Variants in SLCO2B1 observed in about 807,000 individuals in gnomAD.
SLCO2B1 encodes the protein OATP-RP2.
In SLCO2B1, 41 loss-of-function variants were observed where a neutral mutation model predicts 67.3. The ratio of observed to expected loss-of-function variants is 0.61; its 90% CI spans 0.47 to 0.79. SLCO2B1 has a LOEUF of 0.79. Ranked by LOEUF, SLCO2B1 falls within the 30% of genes least tolerant of loss-of-function variation. The pLI, the probability that SLCO2B1 is intolerant of heterozygous loss-of-function variation, is 0.00. For synonymous variants in SLCO2B1, 379 were observed against 381.4 expected (o/e 0.99, Z 0.07); for missense variants, 837 against 920.1 (o/e 0.91, Z 1.17).
rs1945205288 is a variant in SLCO2B1, at chr11:75,202,921, A to T, written c.1784A>T (p.Lys595Met). Residue 595 changes from lysine (K) to methionine (M), a missense_variant, in exon 12 of 14, where the codon AAG (lysine) becomes ATG (methionine). Physicochemically the swap from Lys to Met is moderately conservative, Grantham distance 95 (BLOSUM62 -1). Coordinates refer to ENST00000289575, the MANE Select transcript of SLCO2B1 (RefSeq NM_007256.5). ...GTTAGAGGAGTGAAGAAAGAAGACA[A>T]GACTTTGGCTGTGGGCATCCAGTTC... is the stretch of plus-strand genomic sequence containing the variant. Reference protein sequence around the residue: ...LILRGVKKEDKTLAVGIQFMF... With the variant: ...LILRGVKKEDMTLAVGIQFMF... 1 of 1,613,712 alleles carries T rather than the reference A, an allele frequency of 6.2e-7. No homozygotes were observed. The highest frequency in any genetic ancestry group is 1.1e-5 in the South Asian group (1 of 91,070).
chr11:75,184,835 C>T (rs775444353), intron 7 of SLCO2B1, among the ~76,000 whole-genome samples: 15 of 151,776 alleles, frequency 9.9e-5, no homozygotes, highest in African/African-American at 2.7e-4. Flanking sequence ...CTTTTCCTCT[C>T]ATCCTCAGAG....
At chr11:75,169,052 A>T (rs916327446) in intron 4 of SLCO2B1, 121 bp from the exon 5 acceptor site, 3 of 758,508 alleles carry the variant, frequency 4.0e-6, no homozygotes, top group Admixed American at 2.9e-5. Context: ...CTCACCCTTG[A>T]GGTTTGTTGT....
At chr11:75,158,420 A>G (rs1949772086) in intron 1 of SLCO2B1, among the ~76,000 whole-genome samples, 1 of 152,048 alleles carries the variant, frequency 6.6e-6, no homozygotes, top group South Asian at 2.1e-4. Context: ...TGATACACTT[A>G]GGGGAACCTA....
intron 13 of SLCO2B1, 51 bp downstream of exon 13, chr11:75,203,478 A>C: frequency 6.2e-7 from 1 of 1,606,608 alleles, no homozygotes; most frequent in Non-Finnish European, 8.5e-7. Flanking sequence ...ATACTCTCAG[A>C]GTCCCAGGCA....
intron 1 of SLCO2B1, among the ~76,000 whole-genome samples, chr11:75,155,790 G>T (rs1195344611): frequency 1.3e-5 from 2 of 152,216 alleles, no homozygotes; most frequent in Non-Finnish European, 2.9e-5. Flanking sequence ...TAAGTGGTTT[G>T]CTGGGGAAGA....
At chr11:75,187,906 T>C (rs972398790) in intron 7 of SLCO2B1, among the ~76,000 whole-genome samples, 4 of 152,210 alleles carry the variant, frequency 2.6e-5, no homozygotes, top group African/African-American at 9.6e-5. Flanking sequence ...ATGTGGATAC[T>C]GGTGATGACA....
At chr11:75,199,750 G>A (rs144164555) in intron 10 of SLCO2B1, 3,176 of 154,284 alleles carry the variant, frequency 0.021, 59 homozygotes, top group Non-Finnish European at 0.03. Context: ...CTTGGCTTGG[G>A]CTGGCTTCTA....
intron 6 of SLCO2B1, among the ~76,000 whole-genome samples, chr11:75,171,746 C>T (rs1949962837): frequency 1.3e-5 from 2 of 152,136 alleles, no homozygotes; most frequent in African/African-American, 2.4e-5. Context: ...GTTAAAGGTA[C>T]GGGTTCCTTG....
intron 7 of SLCO2B1, among the ~76,000 whole-genome samples, chr11:75,175,419 G>A (rs1229581742): frequency 2.0e-5 from 3 of 152,156 alleles, no homozygotes; most frequent in East Asian, 1.9e-4. Flanking sequence ...TCTGCAGGGC[G>A]AGAGAATGGG....
chr11:75,204,324 CAAT>C (rs1482476223), intron 13 of SLCO2B1, 73 bp from the exon 14 acceptor site: 8 of 1,420,176 alleles, frequency 5.6e-6, no homozygotes, highest in Non-Finnish European at 7.6e-6. Context: ...TCTGATTTCA[CAAT>C]GAGTGATGAC....
intron 1 of SLCO2B1, among the ~76,000 whole-genome samples, chr11:75,157,996 A>T (rs1949767574): frequency 6.6e-6 from 1 of 152,160 alleles, no homozygotes; most frequent in South Asian, 2.1e-4. Context: ...GGCCTTCAGA[A>T]ATGAAGACCC....
intron 1 of SLCO2B1, 92 bp downstream of exon 1, chr11:75,151,489 G>A (rs1467310600): frequency 8.1e-6 from 11 of 1,353,294 alleles, no homozygotes; most frequent in Admixed American, 7.2e-5. Flanking sequence ...GCCAGAGTGG[G>A]TGGGATGGGT....
At chr11:75,172,855 G>A (rs1949981347) in intron 7 of SLCO2B1, among the ~76,000 whole-genome samples, 1 of 151,960 alleles carries the variant, frequency 6.6e-6, no homozygotes, top group Non-Finnish European at 1.5e-5. Flanking sequence ...CTTGAACCTG[G>A]GAGGTGGAGG....
At chr11:75,158,123 G>A (rs1000070990) in intron 1 of SLCO2B1, among the ~76,000 whole-genome samples, 1 of 152,132 alleles carries the variant, frequency 6.6e-6, no homozygotes, top group African/African-American at 2.4e-5. Flanking sequence ...CGCCCAGGCT[G>A]GAGTGCAGTG....
At chr11:75,190,780 CTAGCTGGG>C (rs1945010375) in intron 8 of SLCO2B1, among the ~76,000 whole-genome samples, 1 of 152,136 alleles carries the variant, frequency 6.6e-6, no homozygotes, top group African/African-American at 2.4e-5. Flanking sequence ...TACCTGGCCT[CTAGCTGGG>C]TGAGGCTCCT....
chr11:75,151,314 C>A lies in SLCO2B1; in HGVS notation c.-68C>A. ...AGGAGCCCCTGAGAAGATTTGCTTC[C>A]TCTCCCCTGCTAAGCTCCAGGTCCT... On this transcript the variant is annotated 5_prime_UTR_variant, in exon 1 of 14. Transcript: ENST00000289575. 1 of 1,513,184 alleles carries A rather than the reference C, an allele frequency of 6.6e-7. No individual in the cohort carries two copies. The highest frequency in any genetic ancestry group is 9.1e-7 in the Non-Finnish European group (1 of 1,097,984). 93.7% of individuals were successfully genotyped at this position (1,513,184 alleles called of 1,614,324 possible).
intron 1 of SLCO2B1, among the ~76,000 whole-genome samples, chr11:75,156,913 C>T (rs992560689): frequency 6.6e-6 from 1 of 152,202 alleles, no homozygotes; most frequent in Admixed American, 6.5e-5. Flanking sequence ...GCATTCTCAT[C>T]GCCATCTTGG....
intron 1 of SLCO2B1, among the ~76,000 whole-genome samples, chr11:75,153,027 G>A (rs1949709994): frequency 6.6e-6 from 1 of 152,140 alleles, no homozygotes; most frequent in African/African-American, 2.4e-5. Context: ...TACCCCTTAG[G>A]CAGCAGTTTC....
chr11:75,186,958 C>G (rs1944945710), intron 7 of SLCO2B1, among the ~76,000 whole-genome samples: 1 of 152,182 alleles, frequency 6.6e-6, no homozygotes, highest in African/African-American at 2.4e-5. Flanking sequence ...GGATTCAAAT[C>G]CTAGCTGGAC....
Sources: gnomAD v4.1 joint callset for allele counts (sites outside exome capture counted in the v4.1 genomes callset) on GRCh38, gnomAD v4.1.1 for gene constraint, MANE v1.5 for transcripts, NCBI Gene and HGNC (gene_info 2026-07-23, HGNC 2026-07-21) for gene names.